PIK3C2G: variants seen among roughly 807,000 people sequenced by gnomAD.
The protein encoded by PIK3C2G is phosphatidylinositol-4-phosphate 3-kinase catalytic subunit type 2 gamma, also known as phosphatidylinositol 3-kinase C2 domain-containing subunit gamma.
In PIK3C2G, 168 loss-of-function variants were observed where a neutral mutation model predicts 181.1. That is an observed-to-expected ratio of 0.93 (90% CI 0.82 to 1.05). The LOEUF (loss-of-function observed/expected upper bound fraction) is 1.05, where lower values mean the gene tolerates loss of function less well. Among genes scored for constraint, PIK3C2G ranks in the 50% least tolerant of loss-of-function variants. The pLI, the probability that PIK3C2G is intolerant of heterozygous loss-of-function variation, is 0.00. For synonymous variants in PIK3C2G, 573 were observed against 592.2 expected, an observed-to-expected ratio of 0.97 and a Z score of 0.47; for missense variants, 1,869 against 1,732.8, an observed-to-expected ratio of 1.08 and a Z score of -1.40.
chr12:18,640,399 A>G (rs1430973927), intron 31 of PIK3C2G, 30 bp from the exon 32 acceptor site: 2 of 1,591,950 alleles, frequency 1.3e-6, no homozygotes, highest in East Asian at 2.3e-5. Flanking sequence ...AGCAACATGC[A>G]TTAATATTTA....
the PIK3C2G span, among the ~76,000 whole-genome samples, chr12:18,710,418 GGA>G: frequency 3.3e-5 from 5 of 151,848 alleles, no homozygotes; most frequent in African/African-American, 4.8e-5. Context: ...AAGTGAACAG[GGA>G]TGGAGTAGCA....
At chr12:18,503,920 G>C (rs116130271) in intron 23 of PIK3C2G, among the ~76,000 whole-genome samples, 1 of 152,136 alleles carries the variant, frequency 6.6e-6, no homozygotes, top group South Asian at 2.1e-4. Context: ...TATCTGGCTT[G>C]CAGTGTACAG....
At chr12:18,255,152 A>G (rs776418096) in intron 1 of PIK3C2G, among the ~76,000 whole-genome samples, 20 of 151,506 alleles carry the variant, frequency 1.3e-4, no homozygotes, top group Admixed American at 4.6e-4. Context: ...GGAAGTGGAG[A>G]TTGCGGTGAG....
At chr12:18,684,301 T>C in the PIK3C2G span, 11 of 1,582,932 alleles carry the variant, frequency 6.9e-6, no homozygotes, top group Non-Finnish European at 9.5e-6. Flanking sequence ...AAAAAGAAGA[T>C]ACAAAGAATA....
rs2136757046 is a variant in PIK3C2G at position 18,635,379 on chromosome 12, C to T, written c.4183-5050C>T. On this transcript the variant is annotated intron_variant, in intron 31 of 32. Transcript: ENST00000538779. Reference sequence around the variant, plus strand: ...CAGTTCAGGCCTGATTATGCGTATACCGATTTCATTTGATGATGGAGTATT... The same window carrying T: ...CAGTTCAGGCCTGATTATGCGTATATCGATTTCATTTGATGATGGAGTATT... 2.6e-5 allele frequency among the ~76,000 whole-genome samples: 4 copies of T among 152,306 alleles called. No homozygotes were observed. The South Asian group carries it at 8.3e-4, about 32-fold the overall frequency.
intron 13 of PIK3C2G, among the ~76,000 whole-genome samples, chr12:18,376,860 T>G (rs1942479675): frequency 6.6e-6 from 1 of 152,206 alleles, no homozygotes; most frequent in South Asian, 2.1e-4. Flanking sequence ...CCCTTTGCCT[T>G]CCACCATGAT....
chr12:18,575,252 C>T (rs1367113175), intron 29 of PIK3C2G, among the ~76,000 whole-genome samples: 1 of 152,060 alleles, frequency 6.6e-6, no homozygotes, highest in East Asian at 1.9e-4. Context: ...TGCTGGGAAC[C>T]TCACCTTGAA....
intron 29 of PIK3C2G, among the ~76,000 whole-genome samples, chr12:18,579,630 T>C (rs1189073340): frequency 1.3e-5 from 2 of 152,028 alleles, no homozygotes; most frequent in African/African-American, 2.4e-5. Context: ...TCTGATGGAG[T>C]TGATCAGTTT....
chr12:18,655,446 C>T, the PIK3C2G span, among the ~76,000 whole-genome samples: 6 of 152,114 alleles, frequency 3.9e-5, no homozygotes, highest in South Asian at 6.2e-4. Context: ...ACAAAATCCA[C>T]GCAGAATTCC....
chr12:18,451,085 T>TTA (rs1419954217), intron 18 of PIK3C2G, among the ~76,000 whole-genome samples: 1 of 152,196 alleles, frequency 6.6e-6, no homozygotes, highest in African/African-American at 2.4e-5. Flanking sequence ...CATATGAAAT[T>TTA]TAAAATAGTT....
intron 13 of PIK3C2G, among the ~76,000 whole-genome samples, chr12:18,379,257 C>G (rs1446290538): frequency 6.6e-6 from 1 of 150,742 alleles, no homozygotes; most frequent in Non-Finnish European, 1.5e-5. Flanking sequence ...AGCAAACTAT[C>G]ACAGGCACAA....
rs548099141 is a variant in PIK3C2G, at chr12:18,311,468, A to G, written c.1035-2494A>G. Among the ~76,000 whole-genome samples the G allele has an allele frequency of 6.1e-4, 93 of 151,926 alleles. 1 individual carries two copies. Among genetic ancestry groups the G allele is most frequent in the Non-Finnish European group, 1.2e-3 (84 of 67,988 alleles). On this transcript the variant is annotated intron_variant, in intron 5 of 32. Transcript: ENST00000538779. ...GTATTATATCTATGTATCTATCTAT[A>G]TCTATATATCTCTATCTATATAGAT...
Position 18,420,963 on chromosome 12 carries a change from A to C in PIK3C2G, c.2338A>C (p.Lys780Gln), listed in dbSNP as rs781409699. 3 of 1,598,244 alleles carry C rather than the reference A, an allele frequency of 1.9e-6. No individual in the cohort carries two copies. In the South Asian group the frequency reaches 3.3e-5, roughly 18 times the overall value. The change falls in exon 17 of 33, where the codon AAA becomes CAA. Residue 780 changes from lysine (K) to glutamine (Q), a missense_variant. Transcript: ENST00000538779. Reference protein sequence around the residue: ...TSSFPDQEIRKVAVQQLDNLL... With the variant: ...TSSFPDQEIRQVAVQQLDNLL... ...TAGTTTTCCAGATCAAGAAATTCGT[A>C]AAGTGGCAGTTCAACAATTAGACAA... is the stretch of plus-strand genomic sequence containing the variant.
intron 11 of PIK3C2G, among the ~76,000 whole-genome samples, chr12:18,352,405 A>G (rs896177266): frequency 6.6e-6 from 1 of 152,158 alleles, no homozygotes; most frequent in Admixed American, 6.5e-5. Context: ...TCAACCCCTC[A>G]TGGGAGGGGA....
chr12:18,687,065 C>T, the PIK3C2G span, among the ~76,000 whole-genome samples: 1 of 152,186 alleles, frequency 6.6e-6, no homozygotes, highest in Non-Finnish European at 1.5e-5. Flanking sequence ...TCTCTGGACA[C>T]AGCCGTAGCA....
chr12:18,328,918 A>G (rs1316365237), intron 8 of PIK3C2G, among the ~76,000 whole-genome samples: 1 of 151,940 alleles, frequency 6.6e-6, no homozygotes, highest in African/African-American at 2.4e-5. Flanking sequence ...AGTGTAAGAA[A>G]ATTGGATAAA....
At chr12:18,540,910 C>T (rs1944117070) in intron 25 of PIK3C2G, among the ~76,000 whole-genome samples, 1 of 151,888 alleles carries the variant, frequency 6.6e-6, no homozygotes, top group Non-Finnish European at 1.5e-5. Flanking sequence ...CTCTCTTCTT[C>T]TCAACTGTGT....
In PIK3C2G at chr12:18,488,581, G is replaced by T; in HGVS notation, c.2637G>T (p.Leu879=). 6.4e-7 allele frequency: 1 copy of T among 1,569,994 alleles called. No individual in the cohort carries two copies. ...FSKEQKLIKI[L]GDIGERVKSA... Reference sequence around the variant, plus strand: ...AGGAGCAGAAACTTATCAAAATTCTGGGAGATATTGGGGAAAGAGTCAAGT... The same window carrying T: ...AGGAGCAGAAACTTATCAAAATTCTTGGAGATATTGGGGAAAGAGTCAAGT... Residue 879 remains leucine (L), a synonymous_variant, in exon 19 of 33, where the codon CTG becomes CTT. Transcript: ENST00000538779.
chr12:18,647,471 T>A (rs1180563356), intron 32 of PIK3C2G, among the ~76,000 whole-genome samples: 11 of 151,860 alleles, frequency 7.2e-5, no homozygotes, highest in African/African-American at 1.2e-4. Context: ...AAAAAAATAG[T>A]CTGCTTTTCC....
Sources: gnomAD v4.1 joint callset for allele counts (sites outside exome capture counted in the v4.1 genomes callset) on GRCh38, gnomAD v4.1.1 for gene constraint, MANE v1.5 for transcripts, NCBI Gene and HGNC (gene_info 2026-07-23, HGNC 2026-07-21) for gene names.